The following FBXL17 variants were observed in gnomAD, a reference collection of about 807,000 sequenced individuals.
FBXL17 encodes the protein F-box and leucine rich repeat protein 17.
Under a neutral mutation model 66.2 loss-of-function variants are expected in FBXL17, and 22 were observed. The observed-to-expected ratio is 0.33, with a 90% CI of 0.24 to 0.47. The LOEUF (loss-of-function observed/expected upper bound fraction) is 0.47, where lower values mean the gene tolerates loss of function less well. FBXL17 is among the 20% of genes least tolerant of loss of function. FBXL17 has a pLI of 1.00. For missense variants in FBXL17, 878 were observed against 948.2 expected (o/e 0.93, Z 0.97); for synonymous variants, 474 against 400.5 (o/e 1.18, Z -2.19).
chr5:108,232,333 T>C (rs1456767226), intron 4 of FBXL17, among the ~76,000 whole-genome samples: 1 of 152,122 alleles, frequency 6.6e-6, no homozygotes, highest in Non-Finnish European at 1.5e-5. Flanking sequence ...ATGACCTTAT[T>C]ATTGTCTTTA....
At chr5:107,885,370 G>C (rs928914815) in intron 7 of FBXL17, among the ~76,000 whole-genome samples, 4 of 152,160 alleles carry the variant, frequency 2.6e-5, no homozygotes, top group African/African-American at 9.7e-5. Flanking sequence ...AAGCACACAT[G>C]CACTTAATTT....
chr5:107,985,015 G>A (rs1397714696), intron 7 of FBXL17, among the ~76,000 whole-genome samples: 2 of 152,152 alleles, frequency 1.3e-5, no homozygotes, highest in African/African-American at 4.8e-5. Context: ...CATTGTGCCA[G>A]AAGTTTGACC....
At chr5:107,980,664 A>ATATATATATATTTTTTTTTT in intron 7 of FBXL17, among the ~76,000 whole-genome samples, 4 of 62,076 alleles carry the variant, frequency 6.4e-5, no homozygotes, top group South Asian at 6.1e-4. Context: ...ATATATATAT[A>ATATATATATATTTTTTTTTT]TTTTTTTTTT....
At chr5:107,863,966 A>C (rs1450974900) in intron 8 of FBXL17, among the ~76,000 whole-genome samples, 1 of 152,210 alleles carries the variant, frequency 6.6e-6, no homozygotes, top group East Asian at 1.9e-4. Context: ...CCACTTGCCT[A>C]TCTCTTCCAC....
intron 5 of FBXL17, among the ~76,000 whole-genome samples, chr5:108,198,219 G>A (rs1378064904): frequency 6.6e-6 from 1 of 152,006 alleles, no homozygotes; most frequent in Non-Finnish European, 1.5e-5. Context: ...AAATAACCTA[G>A]GCATTCAGCA....
chr5:108,083,266 C>T (rs1299863906), intron 6 of FBXL17, among the ~76,000 whole-genome samples: 4 of 134,376 alleles, frequency 3.0e-5, no homozygotes, highest in Admixed American at 7.6e-5. Context: ...GAGAGATAGA[C>T]AGATATATTA....
intron 7 of FBXL17, among the ~76,000 whole-genome samples, chr5:107,976,970 T>C (rs1251667696): frequency 6.6e-6 from 1 of 152,172 alleles, no homozygotes; most frequent in African/African-American, 2.4e-5. Context: ...TCATATATGA[T>C]TGGGTTGGCT....
At chr5:108,083,489 C>T (rs541841695) in intron 6 of FBXL17, among the ~76,000 whole-genome samples, 2 of 152,256 alleles carry the variant, frequency 1.3e-5, no homozygotes, top group South Asian at 4.1e-4. Flanking sequence ...CAACCTCCGC[C>T]ACCCAGGCTC....
At chr5:108,158,038 A>C (rs1561439039) in intron 6 of FBXL17, among the ~76,000 whole-genome samples, 1 of 152,144 alleles carries the variant, frequency 6.6e-6, no homozygotes, top group Non-Finnish European at 1.5e-5. Context: ...TCTAGAACAT[A>C]CAATCAGGTA....
chr5:107,918,876 T>C (rs1345893924), intron 7 of FBXL17, among the ~76,000 whole-genome samples: 1 of 152,196 alleles, frequency 6.6e-6, no homozygotes, highest in Non-Finnish European at 1.5e-5. Context: ...TTCTGGATTT[T>C]GTAGATCCAG....
chr5:108,119,280 G>A (rs1226787323), intron 6 of FBXL17, among the ~76,000 whole-genome samples: 1 of 152,182 alleles, frequency 6.6e-6, no homozygotes, highest in African/African-American at 2.4e-5. Context: ...GTTGTGCAAG[G>A]GGAATGCCAC....
intron 5 of FBXL17, among the ~76,000 whole-genome samples, chr5:108,210,570 C>G (rs1010736042): frequency 6.6e-5 from 10 of 152,006 alleles, no homozygotes; most frequent in Admixed American, 3.3e-4. Context: ...TATTATTTAC[C>G]CAGTAGTCAT....
At position 108,249,644 on chromosome 5, in the gene FBXL17, C is replaced by T. The variant is rs563325380; in HGVS notation, c.1507-25416G>A. 5.3e-5 allele frequency among the ~76,000 whole-genome samples: 8 copies of T among 152,202 alleles called. No individual in the cohort carries two copies. In the South Asian group the frequency reaches 1.5e-3, roughly 28 times the overall value. Reference sequence around the variant, plus strand: ...AAAAAGAAAAAGGAGTTTTGCACCCCGGCCTTCGGGAATGTTATCTTCTGG... The same window carrying T: ...AAAAAGAAAAAGGAGTTTTGCACCCTGGCCTTCGGGAATGTTATCTTCTGG... On this transcript the variant is annotated intron_variant, in intron 4 of 8. Transcript: ENST00000542267.
chr5:108,276,697 T>A (rs185400585), intron 4 of FBXL17, among the ~76,000 whole-genome samples: 87 of 152,208 alleles, frequency 5.7e-4, no homozygotes, highest in South Asian at 1.7e-3. Flanking sequence ...GAATTTTGAG[T>A]GAAGCTCAAT....
At chr5:108,181,900 T>C (rs1004747002) in intron 6 of FBXL17, among the ~76,000 whole-genome samples, 3 of 152,108 alleles carry the variant, frequency 2.0e-5, no homozygotes, top group African/African-American at 7.2e-5. Context: ...TTTACTGCAA[T>C]GATGATGGAA....
At chr5:107,984,247 AAACTTC>A (rs1752933871) in intron 7 of FBXL17, among the ~76,000 whole-genome samples, 1 of 152,172 alleles carries the variant, frequency 6.6e-6, no homozygotes, top group South Asian at 2.1e-4. Context: ...GGTATTTAAA[AAACTTC>A]AAAGAGTCAC....
intron 6 of FBXL17, among the ~76,000 whole-genome samples, chr5:108,132,351 A>G (rs573114338): frequency 3.3e-5 from 5 of 152,338 alleles, no homozygotes; most frequent in Non-Finnish European, 7.4e-5. Context: ...TCTCTTACAG[A>G]TAGTAATGAC....
chr5:108,122,582 T>A (rs1750544924), intron 6 of FBXL17, among the ~76,000 whole-genome samples: 1 of 152,076 alleles, frequency 6.6e-6, no homozygotes, highest in African/African-American at 2.4e-5. Context: ...ACAGAAATAA[T>A]CTCTAGAGAG....
chr5:108,140,935 G>A (rs541869774), intron 6 of FBXL17, among the ~76,000 whole-genome samples: 1 of 151,572 alleles, frequency 6.6e-6, no homozygotes, highest in Non-Finnish European at 1.5e-5. Context: ...TTCAAACTAG[G>A]TATTGTCATC....
Sources: allele counts gnomAD v4.1 joint callset (sites outside exome capture counted in the v4.1 genomes callset), GRCh38; gene constraint gnomAD v4.1.1; transcripts MANE v1.5; gene names NCBI Gene and HGNC (gene_info 2026-07-23, HGNC 2026-07-21).